Variants in WDSUB1 observed in about 807,000 individuals in gnomAD.
WDSUB1 encodes the protein WD repeat, sterile alpha motif and U-box domain containing 1.
A neutral mutation model predicts 53.9 loss-of-function variants in WDSUB1; 49 were observed. That is an observed-to-expected ratio of 0.91 (90% CI 0.72 to 1.15). WDSUB1 has a LOEUF of 1.15. Among genes scored for constraint, WDSUB1 ranks in the 50% most tolerant of loss-of-function variants. WDSUB1 has a pLI of 0.00. For missense variants in WDSUB1, 514 were observed against 562.0 expected (o/e 0.91, Z 0.86); for synonymous variants, 194 against 200.6 (o/e 0.97, Z 0.28).
intron 5 of WDSUB1, among the ~76,000 whole-genome samples, chr2:159,271,432 G>A (rs2061441680): frequency 6.6e-6 from 1 of 152,088 alleles, no homozygotes; most frequent in Non-Finnish European, 1.5e-5. Flanking sequence ...TGTAATGTTG[G>A]GTACAGGAAG....
At chr2:159,266,001 G>A (rs1044087876) in intron 5 of WDSUB1, among the ~76,000 whole-genome samples, 7 of 152,098 alleles carry the variant, frequency 4.6e-5, no homozygotes, top group Admixed American at 1.3e-4. Context: ...CAAAAATGTA[G>A]AACAATGCCA....
rs984721236 is a variant in WDSUB1 at position 159,282,253 on chromosome 2, T to C, written c.398+419A>G. On this transcript the variant is annotated intron_variant, in intron 2 of 10. Transcript: ENST00000359774. Reference sequence around the variant, plus strand: ...TGTCACCCAGGCTGGAGTACAGTGGTGTGATCTCGGCTCACTGCAAGCTCC... The same window carrying C: ...TGTCACCCAGGCTGGAGTACAGTGGCGTGATCTCGGCTCACTGCAAGCTCC... Among the ~76,000 whole-genome samples the C allele has an allele frequency of 1.1e-4, 17 of 151,986 alleles. 1 individual carries two copies. The highest frequency in any genetic ancestry group is 8.8e-5 in the Non-Finnish European group (6 of 67,994).
chr2:159,236,586 G>A (rs1190399803), intron 10 of WDSUB1, among the ~76,000 whole-genome samples: 2 of 152,172 alleles, frequency 1.3e-5, no homozygotes, highest in African/African-American at 4.8e-5. Flanking sequence ...TGAAAAGTCA[G>A]GAAAACAGGT....
At chr2:159,286,546 CG>C (rs1558889929) in intron 1 of WDSUB1, 36 bp downstream of exon 1, 1 of 152,316 alleles carries the variant, frequency 6.6e-6, no homozygotes, top group East Asian at 1.9e-4. Flanking sequence ...CTGCCGCCAC[CG>C]CCGCTGAGCC....
intron 5 of WDSUB1, among the ~76,000 whole-genome samples, chr2:159,261,231 T>A (rs1401629804): frequency 6.6e-6 from 1 of 152,216 alleles, no homozygotes; most frequent in Non-Finnish European, 1.5e-5. Context: ...TTAGGTATTA[T>A]AAGTAATCTA....
chr2:159,246,547 G>C (rs2060801709), intron 10 of WDSUB1, among the ~76,000 whole-genome samples: 1 of 152,018 alleles, frequency 6.6e-6, no homozygotes, highest in Non-Finnish European at 1.5e-5. Context: ...GGAAGACTCA[G>C]CTAGGAAATT....
chr2:159,239,005 G>A (rs1201651888), intron 10 of WDSUB1, among the ~76,000 whole-genome samples: 1 of 152,010 alleles, frequency 6.6e-6, no homozygotes, highest in East Asian at 1.9e-4. Flanking sequence ...GTTTTGGTGT[G>A]TGTGGTTTTT....
intron 10 of WDSUB1, among the ~76,000 whole-genome samples, chr2:159,236,719 G>A (rs1037872420): frequency 6.6e-6 from 1 of 152,094 alleles, no homozygotes; most frequent in South Asian, 2.1e-4. Flanking sequence ...ATACACTGGC[G>A]AGATCTTGGC....
Position 159,283,071 on chromosome 2 carries a change from T to G in WDSUB1, c.-2A>C. 1 of 1,590,688 alleles carries G rather than the reference T, an allele frequency of 6.3e-7. No individual in the cohort carries two copies. Among genetic ancestry groups the G allele is most frequent in the Non-Finnish European group, 8.6e-7 (1 of 1,166,012 alleles). On this transcript the variant is annotated 5_prime_UTR_variant, in exon 2 of 11. Coordinates refer to ENST00000359774, the MANE Select transcript of WDSUB1 (RefSeq NM_001128212.3). ...TAATGTGTGAATCAGTTTCACCATG[T>G]TCTTTATTTGAAGAAAAACAGCCTG...
chr2:159,277,195 A>G (rs2061559318), intron 3 of WDSUB1, among the ~76,000 whole-genome samples: 1 of 152,238 alleles, frequency 6.6e-6, no homozygotes, highest in African/African-American at 2.4e-5. Flanking sequence ...TTTTAACTCC[A>G]TGGGACTTCC....
chr2:159,269,675 C>A (rs555004459), intron 5 of WDSUB1, among the ~76,000 whole-genome samples: 28 of 152,178 alleles, frequency 1.8e-4, no homozygotes, highest in Non-Finnish European at 3.5e-4. Context: ...CAATAATATA[C>A]CCTAAAATTT....
intron 10 of WDSUB1, among the ~76,000 whole-genome samples, chr2:159,239,787 T>A (rs999294269): frequency 2.8e-4 from 43 of 152,168 alleles, no homozygotes; most frequent in African/African-American, 1.0e-3. Context: ...ACCTCTGTGT[T>A]ACTTTTGCCT....
chr2:159,286,130 C>A (rs1427754708), intron 1 of WDSUB1, among the ~76,000 whole-genome samples: 3 of 152,086 alleles, frequency 2.0e-5, no homozygotes, highest in African/African-American at 7.2e-5. Context: ...TCGGCTGTCA[C>A]GCGAACAGTA....
At chr2:159,254,940 G>A (rs2061028128) in intron 9 of WDSUB1, among the ~76,000 whole-genome samples, 2 of 152,138 alleles carry the variant, frequency 1.3e-5, no homozygotes, top group Admixed American at 6.5e-5. Context: ...AGACCAGCCT[G>A]GGCAATAGAG....
At chr2:159,276,967 T>G (rs888742768) in intron 3 of WDSUB1, among the ~76,000 whole-genome samples, 3 of 152,182 alleles carry the variant, frequency 2.0e-5, no homozygotes, top group African/African-American at 7.2e-5. Flanking sequence ...ATCACACCAC[T>G]GCACTCTAGC....
chr2:159,267,945 A>T (rs1273013468), intron 5 of WDSUB1, among the ~76,000 whole-genome samples: 1 of 152,220 alleles, frequency 6.6e-6, no homozygotes, highest in Admixed American at 6.5e-5. Flanking sequence ...TTTGAATGTG[A>T]CCTTGAGCAA....
chr2:159,286,088 TA>T (rs1199649594), intron 1 of WDSUB1, among the ~76,000 whole-genome samples: 6 of 152,000 alleles, frequency 3.9e-5, no homozygotes, highest in African/African-American at 1.2e-4. Context: ...TGCCTTGGGG[TA>T]GGGGGGGCGG....
intron 6 of WDSUB1, 110 bp downstream of exon 6, chr2:159,259,700 G>A (rs1344325395): frequency 1.7e-6 from 2 of 1,174,394 alleles, no homozygotes; most frequent in East Asian, 5.7e-5. Context: ...TATGTTCTTA[G>A]TCATACTAAA....
intron 10 of WDSUB1, among the ~76,000 whole-genome samples, chr2:159,245,631 A>G (rs1410409580): frequency 6.6e-6 from 1 of 152,202 alleles, no homozygotes; most frequent in Non-Finnish European, 1.5e-5. Flanking sequence ...TACAAAGTCT[A>G]GAAATGGATG....
Sources: allele counts gnomAD v4.1 joint callset (sites outside exome capture counted in the v4.1 genomes callset), GRCh38; gene constraint gnomAD v4.1.1; transcripts MANE v1.5; gene names NCBI Gene and HGNC (gene_info 2026-07-23, HGNC 2026-07-21).